Variants in CACNG3 observed in about 807,000 individuals in gnomAD.
The protein encoded by CACNG3 is calcium voltage-gated channel auxiliary subunit gamma 3, also known as voltage-dependent calcium channel gamma-3 subunit.
Under a neutral mutation model 28.5 loss-of-function variants are expected in CACNG3, and 3 were observed. The observed-to-expected ratio is 0.11, with a 90% CI of 0.05 to 0.27. CACNG3 has a LOEUF of 0.27. Among genes scored for constraint, CACNG3 ranks in the 10% least tolerant of loss-of-function variants. The pLI is 1.00. For synonymous variants in CACNG3, 174 were observed against 162.2 expected, an observed-to-expected ratio of 1.07 and a Z score of -0.55; for missense variants, 236 against 414.4, an observed-to-expected ratio of 0.57 and a Z score of 3.74.
intron 2 of CACNG3, among the ~76,000 whole-genome samples, chr16:24,349,622 C>G (rs1459109054): frequency 1.3e-5 from 2 of 152,198 alleles, no homozygotes; most frequent in African/African-American, 4.8e-5. Flanking sequence ...GAGAGTGTCT[C>G]TTCACATGCT....
At chr16:24,359,555 T>C (rs979482115) in intron 3 of CACNG3, among the ~76,000 whole-genome samples, 1 of 152,106 alleles carries the variant, frequency 6.6e-6, no homozygotes, top group East Asian at 1.9e-4. Context: ...TGAAATATAA[T>C]GAGAAGTCCT....
intron 1 of CACNG3, among the ~76,000 whole-genome samples, chr16:24,331,909 T>C (rs1457770038): frequency 3.3e-5 from 5 of 152,196 alleles, no homozygotes; most frequent in Admixed American, 1.3e-4. Context: ...GCCCTTTCTG[T>C]CCACCCAATC....
At chr16:24,344,584 T>G (rs1481725350) in intron 1 of CACNG3, among the ~76,000 whole-genome samples, 4 of 152,184 alleles carry the variant, frequency 2.6e-5, no homozygotes, top group African/African-American at 9.7e-5. Context: ...ATAAGGTCTT[T>G]TTTTCCCAAT....
intron 2 of CACNG3, among the ~76,000 whole-genome samples, chr16:24,350,241 T>C (rs1043078758): frequency 6.6e-6 from 1 of 152,186 alleles, no homozygotes; most frequent in African/African-American, 2.4e-5. Flanking sequence ...CCACCAATGG[T>C]TCCCAAATGA....
intron 1 of CACNG3, among the ~76,000 whole-genome samples, chr16:24,297,861 T>G (rs964490046): frequency 2.6e-5 from 4 of 152,170 alleles, no homozygotes; most frequent in African/African-American, 7.2e-5. Flanking sequence ...TTTCTGCATT[T>G]TTTTTAGTGG....
At chr16:24,319,657 T>C (rs1387979881) in intron 1 of CACNG3, among the ~76,000 whole-genome samples, 3 of 152,174 alleles carry the variant, frequency 2.0e-5, no homozygotes, top group African/African-American at 4.8e-5. Context: ...TCTTGCTGTG[T>C]TGCCCAGGCT....
chr16:24,325,609 C>G (rs1308128782), intron 1 of CACNG3, among the ~76,000 whole-genome samples: 1 of 152,222 alleles, frequency 6.6e-6, no homozygotes, highest in Non-Finnish European at 1.5e-5. Context: ...GCTGGTGATT[C>G]ACAGTTTATG....
chr16:24,301,694 A>G (rs1285112430), intron 1 of CACNG3, among the ~76,000 whole-genome samples: 1 of 152,004 alleles, frequency 6.6e-6, no homozygotes, highest in Non-Finnish European at 1.5e-5. Context: ...GAGCTGGGGG[A>G]ATTGTTCTCT....
rs1186622277 is a variant in CACNG3 at position 24,317,624 on chromosome 16, A to AAGAC, written c.212-29102_212-29099dup. 3.5e-3 allele frequency among the ~76,000 whole-genome samples: 200 copies of AAGAC among 56,634 alleles called. 11 individuals are homozygous for AAGAC. The highest frequency in any genetic ancestry group is 5.4e-3 in the Non-Finnish European group (154 of 28,446). The allele number at this position is 56,634 out of a possible 152,430, so 37.2% of individuals were successfully genotyped here. A position where few individuals can be genotyped will look rare whatever the true frequency, so the allele number is the denominator to read the frequency against. On this transcript the variant is annotated intron_variant, in intron 1 of 3. Transcript: ENST00000005284. ...AAAGAAAGAAAGAAAGAAAGAAAGA[A>AAGAC]AGACAGACAGAAAGAAAGAAAAGAA... is the stretch of plus-strand genomic sequence containing the variant.
chr16:24,326,174 CTTT>C (rs58752966), intron 1 of CACNG3, among the ~76,000 whole-genome samples: 199 of 140,920 alleles, frequency 1.4e-3, no homozygotes, highest in African/African-American at 2.2e-3. Flanking sequence ...TTTCTTTTTT[CTTT>C]TTTTTTTTTT....
intron 1 of CACNG3, among the ~76,000 whole-genome samples, chr16:24,308,697 T>C (rs1005105130): frequency 6.6e-6 from 1 of 151,778 alleles, no homozygotes; most frequent in Non-Finnish European, 1.5e-5. Flanking sequence ...ATTTAAAAAT[T>C]AGCCAGCCAT....
At chr16:24,326,902 CT>C (rs1434888427) in intron 1 of CACNG3, among the ~76,000 whole-genome samples, 1 of 152,014 alleles carries the variant, frequency 6.6e-6, no homozygotes, top group African/African-American at 2.4e-5. Flanking sequence ...CATGATCTCG[CT>C]CCCCTGCCAC....
intron 1 of CACNG3, among the ~76,000 whole-genome samples, chr16:24,298,143 C>A (rs1362996689): frequency 3.3e-5 from 5 of 152,132 alleles, no homozygotes; most frequent in Admixed American, 2.0e-4. Context: ...CAAAGATAAA[C>A]CCCTTCAAGT....
At chr16:24,345,729 G>A (rs1380421089) in intron 1 of CACNG3, among the ~76,000 whole-genome samples, 1 of 152,180 alleles carries the variant, frequency 6.6e-6, no homozygotes, top group African/African-American at 2.4e-5. Context: ...AGCAAATGTG[G>A]ACGGATGTTC....
At chr16:24,355,717 A>G (rs1252564996) in intron 3 of CACNG3, among the ~76,000 whole-genome samples, 1 of 152,164 alleles carries the variant, frequency 6.6e-6, no homozygotes, top group Admixed American at 6.5e-5. Flanking sequence ...CTTACTCACC[A>G]TTTTATACCC....
intron 1 of CACNG3, among the ~76,000 whole-genome samples, chr16:24,283,880 T>C (rs1192541735): frequency 1.3e-5 from 2 of 152,202 alleles, no homozygotes; most frequent in African/African-American, 4.8e-5. Flanking sequence ...CTCCAGGTTT[T>C]CACCAAGAAG....
chr16:24,327,037 G>A (rs1186064737), intron 1 of CACNG3, among the ~76,000 whole-genome samples: 1 of 144,740 alleles, frequency 6.9e-6, no homozygotes, highest in Non-Finnish European at 1.5e-5. Context: ...AGGAGGTGGC[G>A]GTAAATGTGA....
rs572689325 is a variant in CACNG3 at position 24,270,372 on chromosome 16, C to T, written c.211+13407C>T. The stretch of plus-strand genomic sequence containing the variant: ...TAACGTGCCCTAAAATATGTATTAC[C>T]AAGTAAGTCTTGATTTTTCAAAATG... On this transcript the variant is annotated intron_variant, in intron 1 of 3. Transcript: ENST00000005284. Among the ~76,000 whole-genome samples, 27 of 152,226 alleles carry T rather than the reference C, an allele frequency of 1.8e-4. No homozygotes were observed. The South Asian group carries it at 5.0e-3, about 28-fold the overall frequency.
chr16:24,268,774 C>T (rs1048960051), intron 1 of CACNG3, among the ~76,000 whole-genome samples: 4 of 152,150 alleles, frequency 2.6e-5, no homozygotes, highest in Non-Finnish European at 5.9e-5. Context: ...TTGGGGTGTT[C>T]GCCAATGGGG....
Sources: gnomAD v4.1 joint callset for allele counts (sites outside exome capture counted in the v4.1 genomes callset) on GRCh38, gnomAD v4.1.1 for gene constraint, MANE v1.5 for transcripts, NCBI Gene and HGNC (gene_info 2026-07-23, HGNC 2026-07-21) for gene names.